The following CCDC7 variants were observed in gnomAD, a reference collection of about 807,000 sequenced individuals.
CCDC7 encodes coiled-coil domain containing 7.
A neutral mutation model predicts 196.9 loss-of-function variants in CCDC7; 183 were observed. The observed-to-expected ratio is 0.93, with a 90% confidence interval of 0.82 to 1.05. The LOEUF is 1.05. Among genes scored for constraint, CCDC7 ranks in the 50% least tolerant of loss-of-function variants. CCDC7 has a pLI of 0.00. For missense variants in CCDC7, 1,540 were observed against 1,482.2 expected, an observed-to-expected ratio of 1.04 and a Z score of -0.64; for synonymous variants, 525 against 484.6, an observed-to-expected ratio of 1.08 and a Z score of -1.10.
intron 28 of CCDC7, 63 bp downstream of exon 29, chr10:32,729,520 G>T: frequency 1.2e-6 from 1 of 849,876 alleles, no homozygotes; most frequent in South Asian, 2.5e-5. Flanking sequence ...ATTTGTTTTT[G>T]GTTTATAAAT....
At chr10:32,448,861 A>G (rs564734305), upstream of CCDC7, among the ~76,000 whole-genome samples, 87 of 152,000 alleles carry the variant, frequency 5.7e-4, 2 homozygotes, top group South Asian at 4.2e-4. Context: ...AATACTTATC[A>G]CTATTGATGT....
At position 32,687,921 on chromosome 10, in the gene CCDC7, G is replaced by T. The variant is rs949884238; in HGVS notation, c.2234-1132G>T. Among the ~76,000 whole-genome samples, 27 of 152,248 alleles carry T rather than the reference G, an allele frequency of 1.8e-4. No homozygotes were observed. In the East Asian group the frequency reaches 4.3e-3, roughly 24 times the overall value. On this transcript the variant is annotated intron_variant, in intron 22 of 41. Transcript: ENST00000639629. Reference sequence around the variant, plus strand: ...ACTGCCTGGCCAGAAGATCCTTAGTGGGGAGTCCATCAAGCTCTTCTTTGA... The same window carrying T: ...ACTGCCTGGCCAGAAGATCCTTAGTTGGGAGTCCATCAAGCTCTTCTTTGA...
intron 9 of CCDC7, chr10:32,511,596 G>A: frequency 1.2e-6 from 2 of 1,601,966 alleles, no homozygotes; most frequent in Non-Finnish European, 1.7e-6. Context: ...TGTTCAAGTG[G>A]ATCCAACTTC....
intron 28 of CCDC7, among the ~76,000 whole-genome samples, chr10:32,767,719 C>A (rs1353740583): frequency 6.6e-6 from 1 of 152,070 alleles, no homozygotes; most frequent in African/African-American, 2.4e-5. Context: ...AACAAATGTC[C>A]ACAGGCATCA....
intron 18 of CCDC7, among the ~76,000 whole-genome samples, chr10:32,628,356 A>G (rs945382252): frequency 2.0e-5 from 3 of 151,786 alleles, no homozygotes; most frequent in African/African-American, 7.3e-5. Context: ...TCTTTATGTT[A>G]CATCAGTTGT....
At chr10:32,452,905 C>T (rs1428104840) in intron 1 of CCDC7, among the ~76,000 whole-genome samples, 1 of 152,052 alleles carries the variant, frequency 6.6e-6, no homozygotes. Flanking sequence ...CAAACTTGTA[C>T]AGTACAAGTT....
chr10:32,550,872 G>T (rs2053367761), intron 13 of CCDC7, among the ~76,000 whole-genome samples: 2 of 151,990 alleles, frequency 1.3e-5, no homozygotes, highest in South Asian at 4.1e-4. Context: ...TTTTAGTTAT[G>T]TCTTTACCTG....
intron 20 of CCDC7, among the ~76,000 whole-genome samples, chr10:32,658,215 C>T (rs1255656567): frequency 6.6e-6 from 1 of 152,210 alleles, no homozygotes; most frequent in Non-Finnish European, 1.5e-5. Context: ...ATGGCAGTGC[C>T]TCACTACTGT....
At chr10:32,763,130 T>C (rs1285075066) in intron 28 of CCDC7, among the ~76,000 whole-genome samples, 1 of 152,002 alleles carries the variant, frequency 6.6e-6, no homozygotes, top group Non-Finnish European at 1.5e-5. Flanking sequence ...GCAGTTGATA[T>C]TCAAAATATG....
At chr10:32,501,419 C>T (rs374179614) in intron 9 of CCDC7, among the ~76,000 whole-genome samples, 24 of 152,142 alleles carry the variant, frequency 1.6e-4, no homozygotes, top group African/African-American at 5.3e-4. Flanking sequence ...GTTTTATTCC[C>T]TTGCTGGTGA....
chr10:32,735,371 C>T (rs895144103), intron 28 of CCDC7, among the ~76,000 whole-genome samples: 5 of 152,098 alleles, frequency 3.3e-5, no homozygotes, highest in African/African-American at 1.2e-4. Flanking sequence ...GTTTTTAATG[C>T]TTTGGATTTT....
chr10:32,558,783 G>A (rs1303159027), intron 13 of CCDC7, among the ~76,000 whole-genome samples: 1 of 152,226 alleles, frequency 6.6e-6, no homozygotes, highest in Non-Finnish European at 1.5e-5. Context: ...GAGGTACTGG[G>A]TTCATCTCAC....
chr10:32,518,611 A>G (rs1437860104), intron 11 of CCDC7, 106 bp downstream of exon 12: 1 of 859,062 alleles, frequency 1.2e-6, no homozygotes. Context: ...TGTTTTTACT[A>G]TTAATAATTC....
At chr10:32,566,617 T>A (rs2056828925) in intron 14 of CCDC7, among the ~76,000 whole-genome samples, 1 of 151,926 alleles carries the variant, frequency 6.6e-6, no homozygotes, top group Admixed American at 6.6e-5. Flanking sequence ...TAGATAAACA[T>A]TTAAAAAATT....
intron 20 of CCDC7, among the ~76,000 whole-genome samples, chr10:32,662,794 G>C (rs533673731): frequency 7.2e-5 from 11 of 152,234 alleles, no homozygotes; most frequent in African/African-American, 2.4e-4. Flanking sequence ...AAGTTCAATT[G>C]AGCTAGATAA....
intron 16 of CCDC7, among the ~76,000 whole-genome samples, chr10:32,580,922 G>A (rs1345451947): frequency 2.0e-5 from 3 of 152,000 alleles, no homozygotes; most frequent in African/African-American, 7.2e-5. Flanking sequence ...AAAGAGGGCA[G>A]TTTGGGCAGT....
At chr10:32,744,607 C>G (rs572626216) in intron 28 of CCDC7, among the ~76,000 whole-genome samples, 3 of 152,160 alleles carry the variant, frequency 2.0e-5, no homozygotes, top group Non-Finnish European at 4.4e-5. Flanking sequence ...TACTTATCAT[C>G]TGTATGTCTT....
intron 28 of CCDC7, 23 bp from the exon 30 acceptor site, chr10:32,778,954 T>C (rs1193758595): frequency 2.0e-6 from 3 of 1,517,646 alleles, no homozygotes; most frequent in Non-Finnish European, 2.7e-6. Flanking sequence ...ATCAACTACT[T>C]TGACAATCTG....
At chr10:32,837,117 T>C (rs542264895) in intron 33 of CCDC7, among the ~76,000 whole-genome samples, 23 of 152,184 alleles carry the variant, frequency 1.5e-4, no homozygotes, top group Admixed American at 3.9e-4. Context: ...CAAAAGAAAC[T>C]ACTATCAGAG....
Sources: allele counts gnomAD v4.1 joint callset (sites outside exome capture counted in the v4.1 genomes callset), GRCh38; gene constraint gnomAD v4.1.1; transcripts MANE v1.5; gene names NCBI Gene and HGNC (gene_info 2026-07-23, HGNC 2026-07-21).